The following GLI3 variants were observed in gnomAD, a reference collection of about 807,000 sequenced individuals.
GLI3 encodes transcription activator GLI3.
GLI3 carries 20 observed loss-of-function variants against 100.8 expected under a neutral mutation model. The ratio of observed to expected loss-of-function variants is 0.20; its 90% CI spans 0.14 to 0.29. The LOEUF (loss-of-function observed/expected upper bound fraction) is 0.29. Among genes scored for constraint, GLI3 ranks in the 10% least tolerant of loss-of-function variants. GLI3 has a pLI of 1.00. For missense variants in GLI3, 2,040 were observed against 2,128.5 expected (o/e 0.96, Z 0.82); for synonymous variants, 938 against 860.5 (o/e 1.09, Z -1.58).
upstream of GLI3, among the ~76,000 whole-genome samples, chr7:42,241,767 C>G (rs971305508): frequency 8.5e-5 from 13 of 152,152 alleles, no homozygotes; most frequent in African/African-American, 2.9e-4. Context: ...TTGGGAAGAT[C>G]TAAAACCCTC....
intron 3 of GLI3, among the ~76,000 whole-genome samples, chr7:42,132,734 C>T (rs1317232697): frequency 6.6e-6 from 1 of 152,188 alleles, no homozygotes; most frequent in Non-Finnish European, 1.5e-5. Context: ...AATTGTCATT[C>T]AATTCTGGGA....
intron 4 of GLI3, among the ~76,000 whole-genome samples, chr7:42,051,345 G>A (rs545006965): frequency 1.3e-5 from 2 of 152,314 alleles, no homozygotes; most frequent in Non-Finnish European, 2.9e-5. Context: ...CAATGGGGAA[G>A]ATAACCTCGT....
At chr7:42,189,043 T>C (rs997248514) in intron 2 of GLI3, among the ~76,000 whole-genome samples, 42 of 152,162 alleles carry the variant, frequency 2.8e-4, no homozygotes, top group African/African-American at 1.0e-3. Context: ...GTAACCAATG[T>C]ACCTCTCTGG....
chr7:42,263,289 C>A (rs1353701228), intron 1 of GLI3, among the ~76,000 whole-genome samples: 1 of 152,126 alleles, frequency 6.6e-6, no homozygotes, highest in African/African-American at 2.4e-5. Flanking sequence ...GAAAGTGCCT[C>A]CCCCTTGCCA....
chr7:42,110,659 T>C (rs1012297844), intron 3 of GLI3, among the ~76,000 whole-genome samples: 5 of 152,222 alleles, frequency 3.3e-5, no homozygotes, highest in African/African-American at 1.2e-4. Flanking sequence ...AGTGTTGCAA[T>C]TATCTTAAGC....
In GLI3 at chr7:42,126,627, T is replaced by C. The variant is rs187018918; in HGVS notation, c.367+21599A>G. On this transcript the variant is annotated intron_variant, in intron 3 of 14. Coordinates refer to ENST00000395925, the MANE Select transcript of GLI3 (RefSeq NM_000168.6). ...GGAAACAACAATCTGAGTTTCCTGG[T>C]AAGCAATGAGTAAAGGAAACCAAAA... 2.5e-3 allele frequency among the ~76,000 whole-genome samples: 382 copies of C among 152,294 alleles called. 2 individuals are homozygous for C. The highest frequency in any genetic ancestry group is 0.017 in the Middle Eastern group (5 of 294).
chr7:42,264,028 G>A (rs953852195), exon 1 of GLI3, among the ~76,000 whole-genome samples: 2 of 152,162 alleles, frequency 1.3e-5, no homozygotes, highest in African/African-American at 2.4e-5. Context: ...TGCTGGGATC[G>A]CTTCACTCTG....
chr7:42,097,302 C>T (rs1396453135), intron 3 of GLI3, among the ~76,000 whole-genome samples: 15 of 152,236 alleles, frequency 9.9e-5, no homozygotes. Context: ...AGAATTCCCA[C>T]AGCATCTGTC....
chr7:42,123,303 G>C (rs1052751855), intron 3 of GLI3, among the ~76,000 whole-genome samples: 12 of 152,152 alleles, frequency 7.9e-5, no homozygotes, highest in Non-Finnish European at 1.6e-4. Context: ...TCCTTTAAAA[G>C]ACATGCAGTG....
Position 41,966,815 on chromosome 7 carries a change from CCA to C in GLI3, c.2432-176_2432-175del, listed in dbSNP as rs910801033. ...GCTCTGCAGTGTAGCCCCAACACGG[CCA>C]CAGAGAGCAGTGAGCAAGCAAGCGT... On this transcript the variant is annotated intron_variant, in intron 14 of 14. Transcript: ENST00000395925. This position sits in a 1 kb window ranked among gnomAD's most constrained non-coding sequence, Gnocchi z 5.8. 1.3e-5 allele frequency among the ~76,000 whole-genome samples: 2 copies of C among 152,172 alleles called. No homozygotes were observed. Among genetic ancestry groups the C allele is most frequent in the African/African-American group, 4.8e-5 (2 of 41,432 alleles).
chr7:42,093,311 G>A (rs748336409), intron 3 of GLI3, among the ~76,000 whole-genome samples: 1 of 151,246 alleles, frequency 6.6e-6, no homozygotes, highest in Non-Finnish European at 1.5e-5. Flanking sequence ...CCCGGGAGGC[G>A]GCGGTTGCAG....
rs145051299 is a variant in GLI3, at chr7:41,979,019, C to G, written c.1498-271G>C. 3.3e-5 allele frequency among the ~76,000 whole-genome samples: 5 copies of G among 152,300 alleles called. No individual in the cohort carries two copies. In the East Asian group the frequency reaches 7.7e-4, roughly 24 times the overall value. On this transcript the variant is annotated intron_variant, in intron 10 of 14. Coordinates refer to ENST00000395925, the MANE Select transcript of GLI3 (RefSeq NM_000168.6). ...CAGGAAATATACTACAGTACACTGG[C>G]CATCTGAAGAGCAGAGTTCAATTCC... is the stretch of plus-strand genomic sequence containing the variant.
chr7:42,119,998 T>C (rs1247396649), intron 3 of GLI3, among the ~76,000 whole-genome samples: 3 of 152,192 alleles, frequency 2.0e-5, no homozygotes, highest in African/African-American at 2.4e-5. Flanking sequence ...CTCGCACTTA[T>C]AGAGGGAGTT....
intron 4 of GLI3, among the ~76,000 whole-genome samples, chr7:42,053,345 G>C (rs1784390344): frequency 6.6e-6 from 1 of 152,192 alleles, no homozygotes; most frequent in Admixed American, 6.5e-5. Context: ...AGAAGGTTAA[G>C]CTCCTTAAAT....
At chr7:42,049,111 G>GAAAGA (rs1000003451) in intron 4 of GLI3, among the ~76,000 whole-genome samples, 1 of 151,572 alleles carries the variant, frequency 6.6e-6, no homozygotes, top group African/African-American at 2.4e-5. Context: ...ATAAAAATAA[G>GAAAGA]AAAGAAAAGA....
chr7:42,002,623 T>C (rs1788336836), intron 10 of GLI3, among the ~76,000 whole-genome samples: 1 of 152,216 alleles, frequency 6.6e-6, no homozygotes, highest in Non-Finnish European at 1.5e-5. Context: ...GAATATCATA[T>C]ATATCACATC....
chr7:42,108,226 C>T (rs534183615), intron 3 of GLI3, among the ~76,000 whole-genome samples: 5 of 152,224 alleles, frequency 3.3e-5, no homozygotes, highest in Admixed American at 2.0e-4. Context: ...AACTTTGCAC[C>T]GTTAGTAGCA....
intron 2 of GLI3, among the ~76,000 whole-genome samples, chr7:42,186,311 G>C (rs993486647): frequency 2.6e-5 from 4 of 152,156 alleles, no homozygotes; most frequent in African/African-American, 9.7e-5. Context: ...TTTCACCCTA[G>C]TTGGAATTCC....
At chr7:42,134,963 G>A (rs2128779458) in intron 3 of GLI3, among the ~76,000 whole-genome samples, 1 of 152,250 alleles carries the variant, frequency 6.6e-6, no homozygotes, top group Admixed American at 6.5e-5. Context: ...TTGGAAGGAA[G>A]AAGGGAAATG....
Sources: allele counts gnomAD v4.1 joint callset (sites outside exome capture counted in the v4.1 genomes callset), GRCh38; gene constraint gnomAD v4.1.1; non-coding constraint Gnocchi (gnomAD v3.1); transcripts MANE v1.5; gene names NCBI Gene and HGNC (gene_info 2026-07-23, HGNC 2026-07-21).